The following TMED10 variants were observed in gnomAD, a reference collection of about 807,000 sequenced individuals.
The protein encoded by TMED10 is transmembrane p24 trafficking protein 10, also known as transmembrane emp24 domain-containing protein 10.
In TMED10, 7 loss-of-function variants were observed where a neutral mutation model predicts 23.1. The ratio of observed to expected loss-of-function variants is 0.30; its 90% CI spans 0.17 to 0.57. The LOEUF is 0.57. Among genes scored for constraint, TMED10 ranks in the 20% least tolerant of loss-of-function variants. The pLI, the probability that TMED10 is intolerant of heterozygous loss-of-function variation, is 0.91. For missense variants in TMED10, 162 were observed against 274.8 expected (o/e 0.59, Z 2.90); for synonymous variants, 113 against 106.9 (o/e 1.06, Z -0.35).
At chr14:75,140,183 G>A (rs1895804338) in intron 3 of TMED10, among the ~76,000 whole-genome samples, 1 of 152,020 alleles carries the variant, frequency 6.6e-6, no homozygotes, top group Middle Eastern at 3.2e-3. Flanking sequence ...TTTTTGAGAT[G>A]GACTCTTGCT....
intron 1 of TMED10, among the ~76,000 whole-genome samples, chr14:75,171,145 G>A (rs977549845): frequency 2.6e-5 from 4 of 152,102 alleles, no homozygotes; most frequent in Admixed American, 1.3e-4. Context: ...AGGCAGGTGA[G>A]TAAGAGAATG....
intron 1 of TMED10, among the ~76,000 whole-genome samples, chr14:75,163,267 C>G (rs1481096499): frequency 6.6e-6 from 1 of 151,506 alleles, no homozygotes; most frequent in East Asian, 1.9e-4. Context: ...ACAAAAAACT[C>G]ACGGGCCAGG....
In TMED10 at chr14:75,135,090, CAATT is replaced by C. The variant is rs1358995696; in HGVS notation, c.539-88_539-85del. The C allele has an allele frequency of 3.9e-6, 6 of 1,534,694 alleles. No individual in the cohort carries two copies. The African/African-American group carries it at 4.1e-5, about 11-fold the overall frequency. ...CAATGGCAGGGGAGGTGGGTAAAGG[CAATT>C]AATTAACTTCACTCTGTCCCTAGGT... On this transcript the variant is annotated intron_variant, in intron 4 of 4. Coordinates refer to ENST00000303575, the MANE Select transcript of TMED10 (RefSeq NM_006827.6).
intron 3 of TMED10, among the ~76,000 whole-genome samples, chr14:75,142,681 T>G (rs534007602): frequency 1.3e-5 from 2 of 152,282 alleles, no homozygotes; most frequent in South Asian, 4.1e-4. Context: ...TTAAAATGAT[T>G]TATAGTTTAT....
chr14:75,164,075 T>C (rs1043763201), intron 1 of TMED10, among the ~76,000 whole-genome samples: 2 of 150,670 alleles, frequency 1.3e-5, no homozygotes, highest in Non-Finnish European at 3.0e-5. Context: ...TTTTCTTCCT[T>C]TTTTTTTTGA....
intron 3 of TMED10, among the ~76,000 whole-genome samples, chr14:75,137,606 C>T (rs552090731): frequency 9.5e-5 from 14 of 147,350 alleles, no homozygotes; most frequent in East Asian, 4.2e-4. Context: ...ACCCAGGAGG[C>T]GGAGCTTGCA....
intron 1 of TMED10, among the ~76,000 whole-genome samples, chr14:75,167,007 TCTCGG>T (rs1896173410): frequency 1.3e-5 from 2 of 150,312 alleles, no homozygotes; most frequent in African/African-American, 4.9e-5. Context: ...AGTGGCGTGA[TCTCGG>T]CTCACTGCAA....
chr14:75,172,022 G>C (rs1480790146), intron 1 of TMED10, among the ~76,000 whole-genome samples: 2 of 151,588 alleles, frequency 1.3e-5, no homozygotes, highest in African/African-American at 2.4e-5. Context: ...ATGGTGGTTT[G>C]CTGAACCTCT....
intron 3 of TMED10, among the ~76,000 whole-genome samples, chr14:75,138,624 G>A (rs537858952): frequency 9.6e-4 from 146 of 152,178 alleles, no homozygotes; most frequent in Non-Finnish European, 1.9e-3. Context: ...TCCCCACTCA[G>A]AGCTTCCTAA....
chr14:75,152,458 AC>A (rs1392469896), intron 1 of TMED10, among the ~76,000 whole-genome samples: 1 of 152,250 alleles, frequency 6.6e-6, no homozygotes, highest in Non-Finnish European at 1.5e-5. Context: ...GCAAAAACTC[AC>A]TAGTATCATT....
At position 75,133,678 on chromosome 14, in the gene TMED10, A is replaced by C. The variant is rs1895713998; in HGVS notation, c.*1207T>G. On this transcript the variant is annotated 3_prime_UTR_variant, in exon 5 of 5. Transcript: ENST00000303575. ...CATTTATCCCAGAAAATGAAAATGT[A>C]TGTTCACATAAAAACCTGTACATGA... The C allele has an allele frequency of 6.4e-6, 1 of 156,688 alleles. No homozygotes were observed. Among genetic ancestry groups the C allele is most frequent in the African/African-American group, 2.4e-5 (1 of 41,516 alleles). The allele number at this position is 156,688 out of a possible 1,614,324, so 9.7% of individuals were successfully genotyped here.
At chr14:75,137,967 C>T (rs1262631120) in intron 3 of TMED10, among the ~76,000 whole-genome samples, 2 of 152,140 alleles carry the variant, frequency 1.3e-5, no homozygotes, top group African/African-American at 4.8e-5. Context: ...CCTCGACCTC[C>T]CAAAGTGCTG....
rs1895701871 is a variant in TMED10 at position 75,132,659 on chromosome 14, A to G, written c.*2226T>C. The stretch of plus-strand genomic sequence containing the variant: ...AAGGAGTCAAAAGGGGGAAAAAAAA[A>G]GTTTGGGTTCATAGTAGCAGGAACA... On this transcript the variant is annotated 3_prime_UTR_variant, in exon 5 of 5. Transcript: ENST00000303575. 1 of 152,174 alleles carries G rather than the reference A, an allele frequency of 6.6e-6. No individual in the cohort carries two copies. The highest frequency in any genetic ancestry group is 1.5e-5 in the Non-Finnish European group (1 of 68,028). 9.4% of individuals were successfully genotyped at this position (152,174 alleles called of 1,614,324 possible).
intron 2 of TMED10, among the ~76,000 whole-genome samples, chr14:75,149,467 T>G (rs1366444239): frequency 1.7e-4 from 1 of 5,746 alleles, no homozygotes; most frequent in African/African-American, 2.0e-4. Flanking sequence ...AAATTTCTAC[T>G]GTTTATACCC....
At chr14:75,137,967 C>A (rs1262631120) in intron 3 of TMED10, among the ~76,000 whole-genome samples, 1 of 152,140 alleles carries the variant, frequency 6.6e-6, no homozygotes, top group Non-Finnish European at 1.5e-5. Flanking sequence ...CCTCGACCTC[C>A]CAAAGTGCTG....
intron 1 of TMED10, among the ~76,000 whole-genome samples, chr14:75,157,522 C>T (rs1327762871): frequency 1.3e-5 from 2 of 151,968 alleles, no homozygotes; most frequent in African/African-American, 4.8e-5. Context: ...GGTTGACATG[C>T]GCCTGTGGTC....
intron 1 of TMED10, among the ~76,000 whole-genome samples, chr14:75,154,746 C>T (rs1200091430): frequency 6.6e-6 from 1 of 152,028 alleles, no homozygotes; most frequent in East Asian, 1.9e-4. Context: ...TTACTGCAAC[C>T]TCTGCCTCCC....
At chr14:75,146,613 C>T (rs538087592) in intron 3 of TMED10, among the ~76,000 whole-genome samples, 3 of 152,132 alleles carry the variant, frequency 2.0e-5, no homozygotes, top group Non-Finnish European at 2.9e-5. Context: ...CCCTTTTGTG[C>T]TGCCCCCAAG....
chr14:75,152,771 C>T (rs890883634), intron 1 of TMED10, among the ~76,000 whole-genome samples: 3 of 152,166 alleles, frequency 2.0e-5, no homozygotes, highest in African/African-American at 4.8e-5. Flanking sequence ...TGGTGGCTCA[C>T]GCCTGTAATC....
Sources: allele counts gnomAD v4.1 joint callset (sites outside exome capture counted in the v4.1 genomes callset), GRCh38; gene constraint gnomAD v4.1.1; transcripts MANE v1.5; gene names NCBI Gene and HGNC (gene_info 2026-07-23, HGNC 2026-07-21).